AOPEP: variants seen among roughly 807,000 people sequenced by gnomAD.
The protein encoded by AOPEP is aminopeptidase O.
AOPEP carries 77 observed loss-of-function variants against 98.1 expected under a neutral mutation model. The ratio of observed to expected loss-of-function variants is 0.78; its 90% CI spans 0.65 to 0.95. AOPEP has a LOEUF of 0.95. Ranked by LOEUF, AOPEP falls within the 40% of genes least tolerant of loss-of-function variation. The pLI, the probability that AOPEP is intolerant of heterozygous loss-of-function variation, is 0.00. For missense variants in AOPEP, 1,024 were observed against 1,024.7 expected, an observed-to-expected ratio of 1.00 and a Z score of 0.01; for synonymous variants, 346 against 365.3, an observed-to-expected ratio of 0.95 and a Z score of 0.60.
intron 11 of AOPEP, among the ~76,000 whole-genome samples, chr9:94,981,266 G>T (rs2060165559): frequency 6.6e-6 from 1 of 152,152 alleles, no homozygotes; most frequent in African/African-American, 2.4e-5. Context: ...GGCAGGGAGA[G>T]ATTTGCCTCT....
chr9:94,949,387 G>C (rs917449301), intron 7 of AOPEP, among the ~76,000 whole-genome samples: 53 of 152,176 alleles, frequency 3.5e-4, no homozygotes, highest in African/African-American at 1.2e-3. Context: ...GCCGACCCGG[G>C]ACGCTGAGAC....
intron 13 of AOPEP, among the ~76,000 whole-genome samples, chr9:95,017,408 G>A (rs145278996): frequency 4.3e-4 from 66 of 152,292 alleles, no homozygotes; most frequent in African/African-American, 1.5e-3. Context: ...TAACACATTG[G>A]TAATTATTAA....
chr9:95,032,580 A>G (rs2064413734), intron 13 of AOPEP, among the ~76,000 whole-genome samples: 1 of 152,218 alleles, frequency 6.6e-6, no homozygotes, highest in Non-Finnish European at 1.5e-5. Context: ...ACAGTGGGCT[A>G]GTTGGAGAAT....
the AOPEP span, among the ~76,000 whole-genome samples, chr9:95,138,309 TG>T: frequency 6.6e-6 from 1 of 152,172 alleles, no homozygotes; most frequent in African/African-American, 2.4e-5. Context: ...CTTTACTGGG[TG>T]GGCCAGACGC....
the AOPEP span, chr9:95,101,394 A>G: frequency 1.4e-5 from 6 of 440,398 alleles, no homozygotes; most frequent in African/African-American, 7.7e-5. Flanking sequence ...GGTAAAAACT[A>G]GAAACCTGTT....
rs767284344 is a variant in AOPEP at position 94,760,431 on chromosome 9, G to A, written c.648G>A (p.Gly216=). 3.3e-5 allele frequency: 53 copies of A among 1,613,786 alleles called. No homozygotes were observed. Among genetic ancestry groups the A allele is most frequent in the Middle Eastern group, 1.6e-4 (1 of 6,082 alleles). The change falls in exon 2 of 17, where the codon GGG becomes GGA. Residue 216 remains glycine, a synonymous_variant. Transcript: ENST00000375315. Reference sequence around the variant, plus strand: ...GCTGCAGCCAGGCTCCTGGCTGTGGGGAACTCCTCTTTGACACTGACACTT... The same window carrying A: ...GCTGCAGCCAGGCTCCTGGCTGTGGAGAACTCCTCTTTGACACTGACACTT... ...YARCSQAPGC[G]ELLFDTDTWS...
intron 5 of AOPEP, among the ~76,000 whole-genome samples, chr9:94,830,964 T>C (rs1855839231): frequency 6.6e-6 from 1 of 152,220 alleles, no homozygotes; most frequent in Non-Finnish European, 1.5e-5. Context: ...CTTTGTCAGA[T>C]GGATAGATTG....
chr9:95,035,101 T>A (rs1309588065), intron 13 of AOPEP, among the ~76,000 whole-genome samples: 3 of 152,034 alleles, frequency 2.0e-5, no homozygotes, highest in Non-Finnish European at 4.4e-5. Flanking sequence ...GTATTTCTCC[T>A]AATGCTATCC....
intron 16 of AOPEP, chr9:95,086,186 C>T (rs1377694840): frequency 7.6e-6 from 10 of 1,310,328 alleles, no homozygotes; most frequent in Admixed American, 6.7e-5. Flanking sequence ...GTCCACCCTG[C>T]GTCCACCCCG....
intron 1 of AOPEP, among the ~76,000 whole-genome samples, chr9:94,748,236 CT>C (rs780874596): frequency 7.9e-5 from 12 of 152,154 alleles, no homozygotes; most frequent in Non-Finnish European, 1.0e-4. Context: ...AAAAAGCCCC[CT>C]GTCATCTGTG....
At chr9:94,806,906 A>C (rs1849376315) in intron 5 of AOPEP, among the ~76,000 whole-genome samples, 1 of 152,256 alleles carries the variant, frequency 6.6e-6, no homozygotes, top group Admixed American at 6.5e-5. Context: ...ACTTAGAAGC[A>C]GGAAGTCAGG....
At chr9:95,007,872 A>G (rs191018132) in intron 13 of AOPEP, among the ~76,000 whole-genome samples, 5 of 152,210 alleles carry the variant, frequency 3.3e-5, no homozygotes, top group South Asian at 2.1e-4. Flanking sequence ...TCCAAGGTCT[A>G]TGTGTTAACC....
At chr9:94,976,679 G>A (rs555682642) in intron 10 of AOPEP, among the ~76,000 whole-genome samples, 1 of 148,536 alleles carries the variant, frequency 6.7e-6, no homozygotes, top group East Asian at 2.0e-4. Context: ...TTTCTTTTTG[G>A]GGGTTTGAGA....
chr9:95,117,438 C>T, the AOPEP span: 24 of 1,523,684 alleles, frequency 1.6e-5, no homozygotes, highest in Admixed American at 3.0e-4. Context: ...AAGATTGAAA[C>T]GGGGTCAGGA....
rs1321410809 is a variant in AOPEP, at chr9:94,928,509, C to A, written c.1639C>A (p.Pro547Thr). 6.4e-7 allele frequency: 1 copy of A among 1,550,764 alleles called. No homozygotes were observed. Among genetic ancestry groups the A allele is most frequent in the Admixed American group, 2.0e-5 (1 of 51,002 alleles). ...RRLQDEMQCS[P>T]EEMQVLRPSK... The stretch of plus-strand genomic sequence containing the variant: ...CCTCCAGGACGAGATGCAATGCTCC[C>A]CCGAGGAGATGCAGGTGTTAAGGTA... The change falls in exon 7 of 17, where the codon CCC becomes ACC. Residue 547 changes from proline to threonine, a missense_variant. Transcript: ENST00000375315.
At chr9:95,015,917 G>A (rs1465021417) in intron 13 of AOPEP, among the ~76,000 whole-genome samples, 1 of 152,140 alleles carries the variant, frequency 6.6e-6, no homozygotes, top group East Asian at 1.9e-4. Context: ...GGCCAGGGTG[G>A]TCTCGAACTC....
At chr9:94,771,669 T>C (rs996865773) in intron 2 of AOPEP, among the ~76,000 whole-genome samples, 1 of 152,104 alleles carries the variant, frequency 6.6e-6, no homozygotes, top group Non-Finnish European at 1.5e-5. Flanking sequence ...TTCTGTAACG[T>C]ATTTCTCCTC....
In AOPEP at chr9:94,895,228, ATAAAAT is replaced by A. The variant is rs2049350639; in HGVS notation, c.1365-28757_1365-28752del. On this transcript the variant is annotated intron_variant, in intron 5 of 16. Transcript: ENST00000375315. ...GAAACCTCATCTCTACTAAAAAAAA[ATAAAAT>A]AAAATAAAAAAAAAAAATAGCTGGG... 4.8e-4 allele frequency among the ~76,000 whole-genome samples: 11 copies of A among 22,868 alleles called. 2 individuals are homozygous for A. The highest frequency in any genetic ancestry group is 2.6e-3 in the East Asian group (1 of 386). The allele number at this position is 22,868 out of a possible 152,430, so 15.0% of individuals were successfully genotyped here. A position where few individuals can be genotyped will look rare whatever the true frequency, so the allele number is the denominator to read the frequency against.
intron 7 of AOPEP, chr9:94,931,803 G>A (rs1292093651): frequency 2.6e-6 from 4 of 1,547,000 alleles, no homozygotes; most frequent in Admixed American, 2.0e-5. Flanking sequence ...TCCTAAAAAC[G>A]CTTTCTTCTT....
Sources: gnomAD v4.1 joint callset for allele counts (sites outside exome capture counted in the v4.1 genomes callset) on GRCh38, gnomAD v4.1.1 for gene constraint, MANE v1.5 for transcripts, NCBI Gene and HGNC (gene_info 2026-07-23, HGNC 2026-07-21) for gene names.